Variants in GPHN observed in about 807,000 individuals in gnomAD.
GPHN encodes gephyrin.
GPHN carries 17 observed loss-of-function variants against 95.5 expected under a neutral mutation model. The ratio of observed to expected loss-of-function variants is 0.18; its 90% CI spans 0.12 to 0.27. The LOEUF is 0.27. Ranked by LOEUF, GPHN falls within the 10% of genes least tolerant of loss-of-function variation. The pLI is 1.00. For missense variants in GPHN, 660 were observed against 978.1 expected, an observed-to-expected ratio of 0.67 and a Z score of 4.34; for synonymous variants, 320 against 322.5, an observed-to-expected ratio of 0.99 and a Z score of 0.08.
At chr14:66,515,324 A>G (rs978390990) in intron 1 of GPHN, among the ~76,000 whole-genome samples, 2 of 152,204 alleles carry the variant, frequency 1.3e-5, no homozygotes, top group Non-Finnish European at 2.9e-5. Flanking sequence ...CTTAAGAAAC[A>G]TTTAGGTAAA....
intron 11 of GPHN, among the ~76,000 whole-genome samples, chr14:67,074,929 A>G (rs555905183): frequency 1.5e-3 from 228 of 152,316 alleles, no homozygotes; most frequent in African/African-American, 5.2e-3. Context: ...AGCAGCAAAT[A>G]CTGATGTAGA....
At chr14:67,028,623 T>G (rs117799864) in intron 10 of GPHN, among the ~76,000 whole-genome samples, 1,836 of 152,320 alleles carry the variant, frequency 0.012, 19 homozygotes, top group Non-Finnish European at 0.018. Flanking sequence ...TTAGTGATTT[T>G]GGGCATTTTT....
chr14:67,323,460 A>G, the GPHN span, among the ~76,000 whole-genome samples: 1 of 151,654 alleles, frequency 6.6e-6, no homozygotes, highest in African/African-American at 2.4e-5. Flanking sequence ...ACAAAAAAGT[A>G]AAAAGTTAGC....
chr14:66,591,892 C>T (rs537985946), intron 1 of GPHN, among the ~76,000 whole-genome samples: 1 of 152,296 alleles, frequency 6.6e-6, no homozygotes, highest in East Asian at 1.9e-4. Context: ...ATCATGCTAC[C>T]TGAATTCAAA....
At chr14:67,158,068 A>G in intron 18 of GPHN, among the ~76,000 whole-genome samples, 1 of 152,060 alleles carries the variant, frequency 6.6e-6, no homozygotes, top group East Asian at 1.9e-4. Flanking sequence ...GCACTTTGGG[A>G]GGCCGAGACG....
chr14:66,786,625 A>G (rs1220254870), intron 3 of GPHN, among the ~76,000 whole-genome samples: 1 of 152,130 alleles, frequency 6.6e-6, no homozygotes, highest in African/African-American at 2.4e-5. Context: ...AAAATCCTCA[A>G]TAAAGTATTA....
chr14:66,889,913 A>G (rs2064387393), intron 5 of GPHN, among the ~76,000 whole-genome samples: 1 of 152,174 alleles, frequency 6.6e-6, no homozygotes, highest in Non-Finnish European at 1.5e-5. Flanking sequence ...TACTAAAATC[A>G]GTAATGAAAA....
the GPHN span, among the ~76,000 whole-genome samples, chr14:67,517,653 T>A: frequency 0.42 from 63,233 of 151,784 alleles, 13,708 homozygotes; most frequent in Non-Finnish European, 0.48. Context: ...CTTAACTCCA[T>A]GACCTGGGTT....
intron 1 of GPHN, among the ~76,000 whole-genome samples, chr14:66,619,363 C>A (rs1422034953): frequency 1.3e-5 from 2 of 152,040 alleles, no homozygotes; most frequent in African/African-American, 2.4e-5. Flanking sequence ...TTTTTCAGAT[C>A]CTTACCCACA....
intron 2 of GPHN, among the ~76,000 whole-genome samples, chr14:66,718,514 AG>A (rs1425697453): frequency 6.6e-6 from 1 of 152,142 alleles, no homozygotes; most frequent in Non-Finnish European, 1.5e-5. Flanking sequence ...ACAGCGTGGA[AG>A]GGGACCCCAG....
At chr14:66,725,258 GATTAACAC>G (rs1454000465) in intron 2 of GPHN, among the ~76,000 whole-genome samples, 9 of 152,130 alleles carry the variant, frequency 5.9e-5, no homozygotes, top group Admixed American at 5.9e-4. Flanking sequence ...AGCCCTACCT[GATTAACAC>G]ATCTGCCAAG....
At chr14:67,380,813 AAAG>A in the GPHN span, 1 of 1,018,826 alleles carries the variant, frequency 9.8e-7, no homozygotes, top group South Asian at 2.1e-5. Flanking sequence ...ATGCATCAAA[AAAG>A]CTATTAAATA....
intron 3 of GPHN, among the ~76,000 whole-genome samples, chr14:66,807,842 G>C (rs987666531): frequency 6.6e-6 from 1 of 152,184 alleles, no homozygotes; most frequent in African/African-American, 2.4e-5. Flanking sequence ...GAGTAGTCTT[G>C]TACATGTCTT....
At chr14:67,300,413 T>C in the GPHN span, among the ~76,000 whole-genome samples, 1 of 150,168 alleles carries the variant, frequency 6.7e-6, no homozygotes, top group Non-Finnish European at 1.5e-5. Context: ...CTGCAACCTC[T>C]ACCTCCTGGG....
chr14:67,378,484 A>G, the GPHN span, among the ~76,000 whole-genome samples: 2 of 152,188 alleles, frequency 1.3e-5, no homozygotes, highest in Non-Finnish European at 2.9e-5. Context: ...AATTTGTTCA[A>G]GGTCACACAG....
intron 2 of GPHN, among the ~76,000 whole-genome samples, chr14:66,714,524 G>A (rs980994126): frequency 6.6e-6 from 1 of 151,392 alleles, no homozygotes; most frequent in African/African-American, 2.4e-5. Flanking sequence ...CTAGGACTTC[G>A]TGGTGAGAGT....
chr14:67,163,863 A>C (rs930526512), intron 19 of GPHN, among the ~76,000 whole-genome samples: 2 of 151,816 alleles, frequency 1.3e-5, no homozygotes, highest in Non-Finnish European at 2.9e-5. Flanking sequence ...GAAAAAAAAA[A>C]CACTATTCTC....
At chr14:66,775,268 C>CT (rs201375045) in intron 2 of GPHN, among the ~76,000 whole-genome samples, 1,757 of 151,956 alleles carry the variant, frequency 0.012, 16 homozygotes, top group African/African-American at 0.03. Context: ...TATGATACTC[C>CT]TTTTTTTGTT....
At chr14:66,712,616 T>C (rs2069762126) in intron 2 of GPHN, among the ~76,000 whole-genome samples, 1 of 152,228 alleles carries the variant, frequency 6.6e-6, no homozygotes, top group Non-Finnish European at 1.5e-5. Flanking sequence ...TAGTTTCTTT[T>C]GCCTTGCAGA....
Sources: gnomAD v4.1 joint callset for allele counts (sites outside exome capture counted in the v4.1 genomes callset) on GRCh38, gnomAD v4.1.1 for gene constraint, MANE v1.5 for transcripts, NCBI Gene and HGNC (gene_info 2026-07-23, HGNC 2026-07-21) for gene names.